TSPAN9: variants seen among roughly 807,000 people sequenced by gnomAD.
TSPAN9 encodes tetraspanin-9.
Under a neutral mutation model 31.0 loss-of-function variants are expected in TSPAN9, and 16 were observed. The ratio of observed to expected loss-of-function variants is 0.52; its 90% CI spans 0.35 to 0.78. The LOEUF is 0.78. Among genes scored for constraint, TSPAN9 ranks in the 30% least tolerant of loss-of-function variants. The pLI, the probability that TSPAN9 is intolerant of heterozygous loss-of-function variation, is 0.01. For missense variants in TSPAN9, 272 were observed against 312.5 expected, an observed-to-expected ratio of 0.87 and a Z score of 0.98; for synonymous variants, 145 against 121.6, an observed-to-expected ratio of 1.19 and a Z score of -1.27.
At chr12:3,182,759 G>T (rs2098359124) in intron 2 of TSPAN9, among the ~76,000 whole-genome samples, 2 of 152,282 alleles carry the variant, frequency 1.3e-5, no homozygotes, top group South Asian at 4.2e-4. Flanking sequence ...ACCAGGCGGG[G>T]ATCTGTGACT....
chr12:3,281,676 G>A (rs971675929), intron 7 of TSPAN9, 58 bp from the exon 8 acceptor site: 3 of 1,560,892 alleles, frequency 1.9e-6, no homozygotes, highest in South Asian at 1.2e-5. Flanking sequence ...CTGGGGGCTG[G>A]GCTGCAGGGA....
chr12:3,136,202 C>A (rs535388362), intron 2 of TSPAN9, among the ~76,000 whole-genome samples: 1 of 152,312 alleles, frequency 6.6e-6, no homozygotes, highest in African/African-American at 2.4e-5. Context: ...GATGCCCTGA[C>A]TCCTTTGCTT....
At chr12:3,269,506 CTG>C (rs1192540024) in intron 3 of TSPAN9, among the ~76,000 whole-genome samples, 2 of 148,298 alleles carry the variant, frequency 1.3e-5, no homozygotes, top group African/African-American at 5.0e-5. Context: ...CCTGCCCTCT[CTG>C]TGTTCCTGCA....
At chr12:3,112,451 C>G (rs994054744) in intron 2 of TSPAN9, among the ~76,000 whole-genome samples, 1 of 152,016 alleles carries the variant, frequency 6.6e-6, no homozygotes, top group East Asian at 1.9e-4. Flanking sequence ...GCTGGGATTA[C>G]AGGCATAAGC....
At chr12:3,087,727 A>G (rs2098301322) in intron 2 of TSPAN9, among the ~76,000 whole-genome samples, 1 of 152,030 alleles carries the variant, frequency 6.6e-6, no homozygotes, top group Admixed American at 6.6e-5. Flanking sequence ...AATTGCTTGA[A>G]TCTGGGAGGC....
intron 3 of TSPAN9, among the ~76,000 whole-genome samples, chr12:3,225,557 G>A (rs1199029928): frequency 6.6e-6 from 1 of 152,122 alleles, no homozygotes; most frequent in South Asian, 2.1e-4. Context: ...AACCAAGCCT[G>A]ATGCCTGTGG....
intron 3 of TSPAN9, among the ~76,000 whole-genome samples, chr12:3,240,285 GGAGA>G (rs1385787417): frequency 2.0e-5 from 3 of 152,094 alleles, no homozygotes; most frequent in African/African-American, 7.2e-5. Context: ...CAGGCTACGG[GGAGA>G]GAGAGAGTTG....
At chr12:3,221,843 A>G (rs1244736781) in intron 3 of TSPAN9, among the ~76,000 whole-genome samples, 4 of 151,870 alleles carry the variant, frequency 2.6e-5, no homozygotes, top group Admixed American at 6.6e-5. Context: ...TTTTGTAGAG[A>G]TAGGGTCTCC....
chr12:3,102,166 C>T (rs1452612777), intron 2 of TSPAN9, among the ~76,000 whole-genome samples: 2 of 151,822 alleles, frequency 1.3e-5, no homozygotes, highest in African/African-American at 4.8e-5. Flanking sequence ...TTCTGTTGCT[C>T]AGGCTGGACT....
chr12:3,236,991 G>A (rs1013995346), intron 3 of TSPAN9, among the ~76,000 whole-genome samples: 4 of 152,156 alleles, frequency 2.6e-5, no homozygotes, highest in African/African-American at 4.8e-5. Context: ...AAATGACTGC[G>A]AGCAGCAGCC....
chr12:3,098,833 C>T (rs1370580454), intron 2 of TSPAN9, among the ~76,000 whole-genome samples: 2 of 151,698 alleles, frequency 1.3e-5, no homozygotes, highest in African/African-American at 4.8e-5. Flanking sequence ...TCTCTGCAAC[C>T]GCAGCCTCCT....
At chr12:3,123,553 A>T (rs2153966426) in intron 2 of TSPAN9, among the ~76,000 whole-genome samples, 1 of 151,882 alleles carries the variant, frequency 6.6e-6, no homozygotes, top group African/African-American at 2.4e-5. Context: ...TGAGAGAGAC[A>T]GCTGTATGAT....
rs866023606 is a variant in TSPAN9, at chr12:3,095,625, A to G, written c.-18+11906A>G. ...CCAGACGGGGCGGCTGGCCGGGCGG[A>G]GGGCTGACCCCCCCCACCTCCCTCC... is the stretch of plus-strand genomic sequence containing the variant. On this transcript the variant is annotated intron_variant, in intron 2 of 8. Coordinates refer to ENST00000011898, the MANE Select transcript of TSPAN9 (RefSeq NM_006675.5). 7.3e-3 allele frequency among the ~76,000 whole-genome samples: 333 copies of G among 45,376 alleles called. 24 individuals are homozygous for G. The highest frequency in any genetic ancestry group is 0.014 in the Middle Eastern group (1 of 70). 29.8% of individuals were successfully genotyped at this position (45,376 alleles called of 152,430 possible). A position where few individuals can be genotyped will look rare whatever the true frequency, so the allele number is the denominator to read the frequency against.
At chr12:3,249,961 A>C (rs951052501) in intron 3 of TSPAN9, among the ~76,000 whole-genome samples, 4 of 152,206 alleles carry the variant, frequency 2.6e-5, no homozygotes, top group African/African-American at 9.6e-5. Flanking sequence ...ATCCCTTAAA[A>C]TTAAAGGATT....
rs927336812 is a variant in TSPAN9 at position 3,170,364 on chromosome 12, A to G, written c.-17-30813A>G. Among the ~76,000 whole-genome samples, 4 of 152,206 alleles carry G rather than the reference A, an allele frequency of 2.6e-5. No homozygotes were observed. The highest frequency in any genetic ancestry group is 1.9e-4 in the East Asian group (1 of 5,194). Reference sequence around the variant, plus strand: ...CCAAACTCCTGCGTTGGACACACCAATCTACGGCTAGCTTGCTCCAGATAG... The same window carrying G: ...CCAAACTCCTGCGTTGGACACACCAGTCTACGGCTAGCTTGCTCCAGATAG... On this transcript the variant is annotated intron_variant, in intron 2 of 8. Coordinates refer to ENST00000011898, the MANE Select transcript of TSPAN9 (RefSeq NM_006675.5). The surrounding 1 kb of genome is among the most constrained non-coding windows in gnomAD (Gnocchi z 4.4).
At chr12:3,146,468 G>C (rs1286522011) in intron 2 of TSPAN9, among the ~76,000 whole-genome samples, 1 of 152,204 alleles carries the variant, frequency 6.6e-6, no homozygotes, top group Non-Finnish European at 1.5e-5. Flanking sequence ...AGCACCTCCT[G>C]TGCAGGGAAC....
At chr12:3,151,815 C>T (rs548906601) in intron 2 of TSPAN9, among the ~76,000 whole-genome samples, 3 of 152,100 alleles carry the variant, frequency 2.0e-5, no homozygotes, top group Admixed American at 6.5e-5. Flanking sequence ...CCCAGCTACT[C>T]GGGAGGCTGA....
chr12:3,118,982 G>C (rs1374748266), intron 2 of TSPAN9, among the ~76,000 whole-genome samples: 1 of 152,194 alleles, frequency 6.6e-6, no homozygotes, highest in African/African-American at 2.4e-5. Context: ...AGGGACCCTG[G>C]AGTATGGATG....
chr12:3,230,805 C>T (rs916590316), intron 3 of TSPAN9, among the ~76,000 whole-genome samples: 6 of 152,112 alleles, frequency 3.9e-5, no homozygotes, highest in East Asian at 1.9e-4. Context: ...TCAGTTCCCC[C>T]GAGGAGATAT....
Sources: allele counts gnomAD v4.1 joint callset (sites outside exome capture counted in the v4.1 genomes callset), GRCh38; gene constraint gnomAD v4.1.1; non-coding constraint Gnocchi (gnomAD v3.1); transcripts MANE v1.5; gene names NCBI Gene and HGNC (gene_info 2026-07-23, HGNC 2026-07-21).